The following WDPCP variants were observed in gnomAD, a reference collection of about 807,000 sequenced individuals.
WDPCP encodes WD repeat-containing and planar cell polarity effector protein fritz homolog.
A neutral mutation model predicts 93.1 loss-of-function variants in WDPCP; 71 were observed. The ratio of observed to expected loss-of-function variants is 0.76; its 90% CI spans 0.63 to 0.93. WDPCP has a LOEUF of 0.93. Among genes scored for constraint, WDPCP ranks in the 40% least tolerant of loss-of-function variants. The pLI, the probability that WDPCP is intolerant of heterozygous loss-of-function variation, is 0.00. For missense variants in WDPCP, 844 were observed against 887.4 expected (o/e 0.95, Z 0.62); for synonymous variants, 315 against 315.0 (o/e 1.00, Z 0.00).
At chr2:63,646,846 T>G (rs1710057580) in intron 3 of WDPCP, among the ~76,000 whole-genome samples, 1 of 152,164 alleles carries the variant, frequency 6.6e-6, no homozygotes, top group African/African-American at 2.4e-5. Flanking sequence ...TCTTTATTCT[T>G]GATCTTTGGG....
intron 1 of WDPCP, among the ~76,000 whole-genome samples, chr2:63,515,011 A>G (rs1359282143): frequency 6.6e-6 from 1 of 152,154 alleles, no homozygotes; most frequent in Non-Finnish European, 1.5e-5. Flanking sequence ...GTAAATCATC[A>G]CAGTTGGTTC....
chr2:63,771,749 G>A (rs1670229299), intron 2 of WDPCP, among the ~76,000 whole-genome samples: 1 of 151,838 alleles, frequency 6.6e-6, no homozygotes, highest in Non-Finnish European at 1.5e-5. Context: ...TTATCTTTGT[G>A]TCTGTGTGTA....
At chr2:63,643,336 C>T in intron 3 of WDPCP, 4 of 391,306 alleles carry the variant, frequency 1.0e-5, no homozygotes, top group South Asian at 9.2e-5. Context: ...GATACCCTTT[C>T]CTCAGGGAGG....
At chr2:63,632,552 G>A (rs1052835336) in intron 3 of WDPCP, among the ~76,000 whole-genome samples, 2 of 152,144 alleles carry the variant, frequency 1.3e-5, no homozygotes, top group African/African-American at 4.8e-5. Context: ...AGAAATACTG[G>A]AGCTGAAGAA....
At chr2:63,643,752 A>T in intron 3 of WDPCP, 1 of 528,388 alleles carries the variant, frequency 1.9e-6, no homozygotes, top group Non-Finnish European at 3.8e-6. Flanking sequence ...TCAGACGGAC[A>T]TTCTCTCCAG....
chr2:63,352,306 A>G (rs1218636090), intron 12 of WDPCP, among the ~76,000 whole-genome samples: 2 of 152,138 alleles, frequency 1.3e-5, no homozygotes, highest in Non-Finnish European at 2.9e-5. Context: ...TGTTTTTTTA[A>G]AAGTTGAAAA....
intron 17 of WDPCP, among the ~76,000 whole-genome samples, chr2:63,143,149 C>T (rs1310404759): frequency 1.3e-5 from 2 of 152,106 alleles, no homozygotes; most frequent in Non-Finnish European, 2.9e-5. Context: ...TCCTGTTGGA[C>T]AAGGTTTTTA....
rs574172080 is a variant in WDPCP at position 63,569,796 on chromosome 2, T to C, written c.75+18401A>G. On this transcript the variant is annotated intron_variant, in intron 1 of 17. Transcript: ENST00000272321. ...TTTGCTGTATCCTGGTAGATGGGGC[T>C]AGCAAGCATATTTTCAGTTTACTTA... 2.6e-5 allele frequency among the ~76,000 whole-genome samples: 4 copies of C among 152,290 alleles called. No homozygotes were observed. The East Asian group carries it at 7.7e-4, about 29-fold the overall frequency.
intron 1 of WDPCP, among the ~76,000 whole-genome samples, chr2:63,508,790 C>G (rs1271105349): frequency 1.3e-5 from 2 of 152,180 alleles, no homozygotes; most frequent in East Asian, 3.9e-4. Context: ...ATCCTAGTCT[C>G]TGACAAAACA....
At chr2:63,144,821 T>G (rs1023002098) in intron 17 of WDPCP, among the ~76,000 whole-genome samples, 1 of 152,218 alleles carries the variant, frequency 6.6e-6, no homozygotes, top group African/African-American at 2.4e-5. Context: ...TTTGGGGGTG[T>G]TGAAGAGCCT....
At chr2:63,482,912 C>T (rs934533499) in intron 6 of WDPCP, among the ~76,000 whole-genome samples, 2 of 151,598 alleles carry the variant, frequency 1.3e-5, no homozygotes, top group East Asian at 1.9e-4. Flanking sequence ...CCTGATTAAC[C>T]GATTAGATTA....
chr2:63,664,563 T>C lies in WDPCP; in HGVS notation n.309-13725A>G, dbSNP rs546138277. ...GGGTACAACTGAAATGCTTGCATCATAGCTGCAAGTGAGGCTGGAAACATG... is the reference window on the plus strand; with the variant it reads ...GGGTACAACTGAAATGCTTGCATCACAGCTGCAAGTGAGGCTGGAAACATG... On this transcript the variant is annotated intron_variant and non_coding_transcript_variant, in intron 2 of 4. Transcript: ENST00000467687. 2.6e-5 allele frequency among the ~76,000 whole-genome samples: 4 copies of C among 152,288 alleles called. No homozygotes were observed. The East Asian group carries it at 5.8e-4, about 22-fold the overall frequency.
At chr2:63,522,455 GACACACACACACAC>G (rs112008719) in intron 1 of WDPCP, among the ~76,000 whole-genome samples, 5 of 127,216 alleles carry the variant, frequency 3.9e-5, no homozygotes, top group Middle Eastern at 3.5e-3. Flanking sequence ...CAGACAGACA[GACACACACACACAC>G]ACACACACAC....
rs144272913 is a variant in WDPCP at position 63,171,081 on chromosome 2, C to T, written c.2078+3589G>A. 2.0e-5 allele frequency among the ~76,000 whole-genome samples: 3 copies of T among 151,912 alleles called. No homozygotes were observed. The East Asian group carries it at 5.8e-4, about 29-fold the overall frequency. ...TACATAAAAATTAACTCAAAATGGA[C>T]TTTAAGAGCTGGAACTATAAAACTT... On this transcript the variant is annotated intron_variant, in intron 15 of 17. Coordinates refer to ENST00000272321, the MANE Select transcript of WDPCP (RefSeq NM_015910.7).
intron 14 of WDPCP, chr2:63,232,476 C>G (rs1679000422): frequency 6.6e-6 from 1 of 152,296 alleles, no homozygotes; most frequent in Admixed American, 6.6e-5. Flanking sequence ...TGGCCAACAG[C>G]TGCTGTGTTT....
rs563022589 is a variant in WDPCP, at chr2:63,776,037, G to A, written n.308+37585C>T. Among the ~76,000 whole-genome samples the A allele has an allele frequency of 7.2e-5, 11 of 151,818 alleles. No homozygotes were observed. In the South Asian group the frequency reaches 1.9e-3, roughly 26 times the overall value. Reference sequence around the variant, plus strand: ...TATGATTGCACCACTGCACTCCAGCGTGGGCAACAGAGTGAGACTCTGCCT... The same window carrying A: ...TATGATTGCACCACTGCACTCCAGCATGGGCAACAGAGTGAGACTCTGCCT... On this transcript the variant is annotated intron_variant and non_coding_transcript_variant, in intron 2 of 4. Coordinates refer to the WDPCP transcript ENST00000467687.
intron 14 of WDPCP, among the ~76,000 whole-genome samples, chr2:63,234,441 A>G (rs1255135181): frequency 6.6e-6 from 1 of 152,162 alleles, no homozygotes; most frequent in Non-Finnish European, 1.5e-5. Flanking sequence ...GTGACAGAGC[A>G]AGATTTCATC....
chr2:63,514,310 G>C (rs1043265244), intron 1 of WDPCP, among the ~76,000 whole-genome samples: 17 of 151,992 alleles, frequency 1.1e-4, no homozygotes, highest in African/African-American at 4.1e-4. Context: ...TAGAAGATGG[G>C]AATAGCAGTG....
At chr2:63,328,576 C>A (rs1687744163) in intron 12 of WDPCP, among the ~76,000 whole-genome samples, 1 of 152,168 alleles carries the variant, frequency 6.6e-6, no homozygotes, top group African/African-American at 2.4e-5. Context: ...TCTGGACACA[C>A]CATCTTTAAG....
Sources: gnomAD v4.1 joint callset for allele counts (sites outside exome capture counted in the v4.1 genomes callset) on GRCh38, gnomAD v4.1.1 for gene constraint, MANE v1.5 for transcripts, NCBI Gene and HGNC (gene_info 2026-07-23, HGNC 2026-07-21) for gene names.